Variants in HDAC9 observed in about 807,000 individuals in gnomAD.
The protein encoded by HDAC9 is MEF-2 interacting transcription repressor (MITR) protein.
A neutral mutation model predicts 139.4 loss-of-function variants in HDAC9; 41 were observed. The ratio of observed to expected loss-of-function variants is 0.29; its 90% CI spans 0.23 to 0.38. HDAC9 has a LOEUF of 0.38. Ranked by LOEUF, HDAC9 falls within the 10% of genes least tolerant of loss-of-function variation. HDAC9 has a pLI of 1.00. For synonymous variants in HDAC9, 517 were observed against 476.2 expected (o/e 1.09, Z -1.12); for missense variants, 1,147 against 1,297.0 (o/e 0.88, Z 1.78).
intron 13 of HDAC9, among the ~76,000 whole-genome samples, chr7:18,746,203 T>C (rs971332361): frequency 1.3e-5 from 2 of 152,236 alleles, no homozygotes; most frequent in South Asian, 2.1e-4. Flanking sequence ...GTGGATGTTA[T>C]ACTTTTTGTT....
chr7:18,261,519 CT>C (rs1473326533), intron 2 of HDAC9, among the ~76,000 whole-genome samples: 1 of 152,140 alleles, frequency 6.6e-6, no homozygotes, highest in Non-Finnish European at 1.5e-5. Flanking sequence ...AGTCCAGAAA[CT>C]GTCAGGCTGT....
intron 2 of HDAC9, among the ~76,000 whole-genome samples, chr7:18,541,154 T>TTTTTTTTTTTTTTTTA (rs1812760815): frequency 6.7e-6 from 1 of 148,254 alleles, no homozygotes; most frequent in African/African-American, 2.5e-5. Flanking sequence ...TTTTTTTTTT[T>TTTTTTTTTTTTTTTTA]TTTTTTTTTT....
chr7:18,327,415 A>C (rs560278977), intron 1 of HDAC9: 187 of 152,060 alleles, frequency 1.2e-3, no homozygotes, highest in African/African-American at 4.2e-3. Context: ...GAACTATATG[A>C]AATTGCTGAT....
intron 1 of HDAC9, among the ~76,000 whole-genome samples, chr7:18,151,278 A>G (rs1786759841): frequency 6.6e-6 from 1 of 152,212 alleles, no homozygotes; most frequent in South Asian, 2.1e-4. Flanking sequence ...GAGTTCTGAC[A>G]CTGTAATTAT....
intron 17 of HDAC9, among the ~76,000 whole-genome samples, chr7:18,803,822 G>C (rs1793494273): frequency 6.6e-6 from 1 of 152,096 alleles, no homozygotes; most frequent in African/African-American, 2.4e-5. Flanking sequence ...AATGCAGCCA[G>C]TCAGTGATAT....
intron 24 of HDAC9, among the ~76,000 whole-genome samples, chr7:18,965,930 CG>C (rs1306857630): frequency 6.6e-6 from 1 of 152,162 alleles, no homozygotes; most frequent in Non-Finnish European, 1.5e-5. Flanking sequence ...GCTACAATGA[CG>C]GTTCTTTCTT....
intron 1 of HDAC9, among the ~76,000 whole-genome samples, chr7:18,292,441 G>A (rs748705272): frequency 1.4e-4 from 22 of 152,098 alleles, no homozygotes; most frequent in Non-Finnish European, 1.5e-5. Context: ...TTCCTATAAA[G>A]CAAGCTGAAT....
chr7:18,767,249 A>T, intron 16 of HDAC9, 94 bp downstream of exon 16: 1 of 656,392 alleles, frequency 1.5e-6, no homozygotes, highest in Non-Finnish European at 2.4e-6. Flanking sequence ...GTTATTTCTC[A>T]GTAAAAGTTA....
intron 14 of HDAC9, among the ~76,000 whole-genome samples, chr7:18,751,874 G>T (rs1302637496): frequency 6.6e-6 from 1 of 151,910 alleles, no homozygotes; most frequent in Non-Finnish European, 1.5e-5. Flanking sequence ...AATAAAAAGG[G>T]AACACACAGA....
At chr7:18,303,873 G>A (rs1344995997) in intron 1 of HDAC9, among the ~76,000 whole-genome samples, 1 of 145,820 alleles carries the variant, frequency 6.9e-6, no homozygotes, top group Non-Finnish European at 1.5e-5. Context: ...ACCTTCTGCT[G>A]TAGCAGTGTT....
At chr7:18,681,998 C>T (rs1781922435) in intron 12 of HDAC9, among the ~76,000 whole-genome samples, 1 of 151,928 alleles carries the variant, frequency 6.6e-6, no homozygotes, top group Non-Finnish European at 1.5e-5. Context: ...AAGAAAAGCC[C>T]TTACCTCTAA....
chr7:18,825,756 T>A (rs1281654536), intron 17 of HDAC9, among the ~76,000 whole-genome samples: 1 of 148,138 alleles, frequency 6.8e-6, no homozygotes, highest in Non-Finnish European at 1.5e-5. Context: ...AAATATATAA[T>A]TATCAAAATT....
intron 1 of HDAC9, among the ~76,000 whole-genome samples, chr7:18,409,190 C>G (rs932313872): frequency 6.6e-6 from 1 of 152,150 alleles, no homozygotes; most frequent in East Asian, 1.9e-4. Context: ...ACTTTACCTA[C>G]TTGTTAATTG....
chr7:18,622,612 G>A (rs1052706404), intron 6 of HDAC9, among the ~76,000 whole-genome samples: 3 of 151,818 alleles, frequency 2.0e-5, no homozygotes, highest in Admixed American at 1.3e-4. Flanking sequence ...GTGAGCCACC[G>A]TGCCCGGCCT....
intron 1 of HDAC9, chr7:18,325,713 A>G (rs1307777014): frequency 6.6e-6 from 1 of 152,098 alleles, no homozygotes; most frequent in Non-Finnish European, 1.5e-5. Flanking sequence ...TGTTTCTGTC[A>G]CTGGCTGTAA....
At chr7:18,241,764 C>T (rs897973388) in intron 2 of HDAC9, among the ~76,000 whole-genome samples, 2 of 152,034 alleles carry the variant, frequency 1.3e-5, no homozygotes, top group African/African-American at 2.4e-5. Context: ...GGTGGGATGA[C>T]GTGGCCAGTT....
At chr7:18,813,879 A>G (rs567558665) in intron 17 of HDAC9, among the ~76,000 whole-genome samples, 30 of 152,278 alleles carry the variant, frequency 2.0e-4, no homozygotes, top group African/African-American at 7.0e-4. Flanking sequence ...CCTGTCAGCT[A>G]GTTGTCTGGT....
intron 1 of HDAC9, among the ~76,000 whole-genome samples, chr7:18,121,641 A>T (rs1784371220): frequency 6.6e-6 from 1 of 152,176 alleles, no homozygotes. Context: ...GGAGCAGTAC[A>T]CAGAGATGTG....
chr7:18,394,608 G>A (rs1452342178), intron 1 of HDAC9, among the ~76,000 whole-genome samples: 1 of 152,066 alleles, frequency 6.6e-6, no homozygotes, highest in Non-Finnish European at 1.5e-5. Context: ...GTGGTTTTGT[G>A]TGTGTGTGTA....
Sources: allele counts gnomAD v4.1 joint callset (sites outside exome capture counted in the v4.1 genomes callset), GRCh38; gene constraint gnomAD v4.1.1; transcripts MANE v1.5; gene names NCBI Gene and HGNC (gene_info 2026-07-23, HGNC 2026-07-21).